Variants in PCNX1 observed in about 807,000 individuals in gnomAD.
The protein encoded by PCNX1 is pecanex-like protein 1.
A neutral mutation model predicts 242.2 loss-of-function variants in PCNX1; 78 were observed. The ratio of observed to expected loss-of-function variants is 0.32; its 90% CI spans 0.27 to 0.39. The LOEUF is 0.39. PCNX1 is among the 10% of genes least tolerant of loss of function. PCNX1 has a pLI of 1.00. For missense variants in PCNX1, 2,581 were observed against 2,856.5 expected (o/e 0.90, Z 2.20); for synonymous variants, 1,024 against 1,032.9 (o/e 0.99, Z 0.17).
chr14:71,065,903 T>C (rs374777390), intron 26 of PCNX1, among the ~76,000 whole-genome samples: 15 of 152,232 alleles, frequency 9.9e-5, no homozygotes, highest in African/African-American at 2.9e-4. Flanking sequence ...TTGTCAGGTT[T>C]GTCAAAGATC....
chr14:70,948,702 TACACAC>T (rs1016597438), intron 2 of PCNX1, among the ~76,000 whole-genome samples: 12 of 149,890 alleles, frequency 8.0e-5, no homozygotes, highest in Admixed American at 8.0e-4. Flanking sequence ...CGTGTATATA[TACACAC>T]ATACACATAA....
At chr14:71,068,435 T>A (rs1468270595) in intron 26 of PCNX1, among the ~76,000 whole-genome samples, 2 of 149,254 alleles carry the variant, frequency 1.3e-5, no homozygotes, top group Admixed American at 1.3e-4. Flanking sequence ...TATGTATATA[T>A]GTATGTATAT....
chr14:70,942,464 A>G (rs1187166313), intron 1 of PCNX1, among the ~76,000 whole-genome samples: 1 of 151,632 alleles, frequency 6.6e-6, no homozygotes, highest in African/African-American at 2.4e-5. Flanking sequence ...AGCACAGAAC[A>G]CTTCTGACAG....
chr14:71,033,132 G>T lies in PCNX1; in HGVS notation c.3559-297G>T, dbSNP rs549033131. On this transcript the variant is annotated intron_variant, in intron 16 of 35. Coordinates refer to ENST00000304743, the MANE Select transcript of PCNX1 (RefSeq NM_014982.3). ...AAACAATAGCACTTAAAATGTGAAA[G>T]AATTGATAGCCTCATGCATCAAAAG... 2.0e-5 allele frequency among the ~76,000 whole-genome samples: 3 copies of T among 152,256 alleles called. No individual in the cohort carries two copies. The South Asian group carries it at 6.2e-4, about 32-fold the overall frequency.
intron 28 of PCNX1, among the ~76,000 whole-genome samples, chr14:71,077,319 C>G (rs17108970): frequency 1.6e-3 from 248 of 152,286 alleles, no homozygotes; most frequent in African/African-American, 5.7e-3. Context: ...ACCACTGCTG[C>G]TTTTTAAGCA....
intron 28 of PCNX1, among the ~76,000 whole-genome samples, chr14:71,087,216 A>G (rs1253364693): frequency 6.6e-6 from 1 of 151,892 alleles, no homozygotes; most frequent in Non-Finnish European, 1.5e-5. Flanking sequence ...CTCTTTATTT[A>G]CTGTTTTGTA....
intron 30 of PCNX1, among the ~76,000 whole-genome samples, chr14:71,091,285 A>C (rs956778184): frequency 2.0e-5 from 3 of 152,244 alleles, no homozygotes; most frequent in Non-Finnish European, 2.9e-5. Flanking sequence ...TGTGTAAATC[A>C]GTACTCACCA....
intron 16 of PCNX1, chr14:71,031,843 T>C: frequency 6.7e-7 from 1 of 1,487,514 alleles, no homozygotes; most frequent in Non-Finnish European, 9.4e-7. Context: ...ATCGTCTGGC[T>C]TCAGGTAGAC....
At chr14:71,058,141 AT>A (rs1437109315) in intron 26 of PCNX1, among the ~76,000 whole-genome samples, 3 of 151,990 alleles carry the variant, frequency 2.0e-5, no homozygotes, top group Non-Finnish European at 2.9e-5. Flanking sequence ...TCTTCCAACA[AT>A]TTTTTTTAAT....
chr14:71,017,660 A>G (rs892523307), intron 11 of PCNX1, among the ~76,000 whole-genome samples: 1 of 152,238 alleles, frequency 6.6e-6, no homozygotes, highest in Non-Finnish European at 1.5e-5. Flanking sequence ...GGACTCATCA[A>G]AATTGAAAAT....
intron 5 of PCNX1, among the ~76,000 whole-genome samples, chr14:70,976,165 C>T (rs746070393): frequency 2.0e-5 from 3 of 151,978 alleles, no homozygotes; most frequent in African/African-American, 2.4e-5. Context: ...TTAATTGTGA[C>T]GGCATTGTGT....
chr14:70,958,898 C>CT (rs56362741), intron 2 of PCNX1, among the ~76,000 whole-genome samples: 10,944 of 66,288 alleles, frequency 0.17, 2,842 homozygotes, highest in East Asian at 0.27. Context: ...TTTGGGGTTG[C>CT]TTTTTTTTTT....
At chr14:70,923,691 A>G (rs2056466588) in intron 1 of PCNX1, among the ~76,000 whole-genome samples, 1 of 152,174 alleles carries the variant, frequency 6.6e-6, no homozygotes, top group African/African-American at 2.4e-5. Context: ...TATCTTAAAC[A>G]TCTGTCCATC....
chr14:70,984,578 G>A (rs966199980), intron 6 of PCNX1, among the ~76,000 whole-genome samples: 2 of 151,034 alleles, frequency 1.3e-5, no homozygotes, highest in Middle Eastern at 3.2e-3. Flanking sequence ...AGTAGAGACG[G>A]GGTTTCACCG....
intron 11 of PCNX1, among the ~76,000 whole-genome samples, chr14:71,014,708 G>C (rs940193378): frequency 7.9e-5 from 12 of 152,118 alleles, no homozygotes; most frequent in African/African-American, 2.7e-4. Flanking sequence ...ACTGTCCCCA[G>C]TGAAAAGAAT....
At position 70,977,679 on chromosome 14, in the gene PCNX1, A is replaced by C; in HGVS notation, c.1342A>C (p.Arg448=). The C allele has an allele frequency of 1.2e-6, 2 of 1,614,174 alleles. No individual in the cohort carries two copies. Among genetic ancestry groups the C allele is most frequent in the Non-Finnish European group, 1.7e-6 (2 of 1,180,028 alleles). ...EEKNSCASDK[R]TSSEKIAMEA... The stretch of plus-strand genomic sequence containing the variant: ...GAAGAATAGCTGTGCCAGTGACAAA[A>C]GGACTAGCAGTGAAAAGATTGCTAT... The change falls in exon 6 of 36, where the codon AGG becomes CGG. Residue 448 remains arginine (R), a synonymous_variant. Coordinates refer to ENST00000304743, the MANE Select transcript of PCNX1 (RefSeq NM_014982.3).
At chr14:71,107,923 G>A (rs1405277531) in intron 33 of PCNX1, among the ~76,000 whole-genome samples, 1 of 152,186 alleles carries the variant, frequency 6.6e-6, no homozygotes, top group Non-Finnish European at 1.5e-5. Context: ...AATTAAGCTA[G>A]TTAACCTATC....
intron 14 of PCNX1, 36 bp downstream of exon 14, chr14:71,026,324 A>G: frequency 1.6e-6 from 2 of 1,285,646 alleles, no homozygotes; most frequent in Non-Finnish European, 2.1e-6. Context: ...TCTTAAAATT[A>G]ATTTATTTGT....
At chr14:70,937,266 G>A (rs1021115301) in intron 1 of PCNX1, among the ~76,000 whole-genome samples, 1 of 152,070 alleles carries the variant, frequency 6.6e-6, no homozygotes, top group Non-Finnish European at 1.5e-5. Context: ...TATGGTTTTA[G>A]GTCTAACATT....
Sources: gnomAD v4.1 joint callset for allele counts (sites outside exome capture counted in the v4.1 genomes callset) on GRCh38, gnomAD v4.1.1 for gene constraint, MANE v1.5 for transcripts, NCBI Gene and HGNC (gene_info 2026-07-23, HGNC 2026-07-21) for gene names.